Variants in TMPRSS5 observed in about 807,000 individuals in gnomAD.
TMPRSS5 encodes transmembrane serine protease 5, also known as transmembrane protease serine 5.
TMPRSS5 carries 45 observed loss-of-function variants against 59.7 expected under a neutral mutation model. The ratio of observed to expected loss-of-function variants is 0.75; its 90% CI spans 0.59 to 0.97. The LOEUF is 0.97. TMPRSS5 is among the 50% of genes least tolerant of loss of function. The probability of loss-of-function intolerance (pLI) is 0.00; values close to 1 mark genes in which losing one functional copy is unlikely to be tolerated. For synonymous variants in TMPRSS5, 225 were observed against 232.0 expected (o/e 0.97, Z 0.27); for missense variants, 585 against 596.7 (o/e 0.98, Z 0.20).
At chr11:113,705,304 CA>C (rs1953261661) in intron 1 of TMPRSS5, among the ~76,000 whole-genome samples, 1 of 152,200 alleles carries the variant, frequency 6.6e-6, no homozygotes, top group Non-Finnish European at 1.5e-5. Flanking sequence ...AAGACTTTGT[CA>C]GACTCACCTA....
Position 113,688,219 on chromosome 11 carries a change from G to T in TMPRSS5, c.*41C>A. On this transcript the variant is annotated 3_prime_UTR_variant, in exon 13 of 13. Transcript: ENST00000299882. The stretch of plus-strand genomic sequence containing the variant: ...AGCTGCTGGAGGCCCCAGGAAGCAT[G>T]AGGCAGTGGTGTGCAGTGAGACTGG... 1 of 1,564,524 alleles carries T rather than the reference G, an allele frequency of 6.4e-7. No individual in the cohort carries two copies. The highest frequency in any genetic ancestry group is 1.2e-5 in the South Asian group (1 of 83,100).
rs1952703950 is a variant in TMPRSS5, at chr11:113,689,644, G to C, written c.1359+121C>G. 3 of 1,030,108 alleles carry C rather than the reference G, an allele frequency of 2.9e-6. No individual in the cohort carries two copies. The Admixed American group carries it at 8.3e-5, about 29-fold the overall frequency. 63.8% of individuals were successfully genotyped at this position (1,030,108 alleles called of 1,614,324 possible). On this transcript the variant is annotated intron_variant, in intron 12 of 12. Transcript: ENST00000299882. ...CACTTCTTCCTCCACTCACTCTGGG[G>C]AATATGTCCTAGCACCCTCCCCAGT...
Position 113,699,608 on chromosome 11 carries a change from G to A in TMPRSS5, c.192C>T (p.Gly64=). The change falls in exon 3 of 13, where the codon GGC becomes GGT. Residue 64 remains glycine (G), a synonymous_variant. Coordinates refer to ENST00000299882, the MANE Select transcript of TMPRSS5 (RefSeq NM_030770.4). ...CCCAGCACTGACCTAGGAGCCATGA[G>A]CCAACACCTGCACCGGCCAGCAGCC... The part of the protein sequence containing the change: ...ALGLLAGAGV[G]SWLLVLYLCP... The A allele has an allele frequency of 1.3e-6, 2 of 1,577,358 alleles. No individual in the cohort carries two copies. The highest frequency in any genetic ancestry group is 1.2e-5 in the South Asian group (1 of 85,550).
rs898508247 is a variant in TMPRSS5 at position 113,690,219 on chromosome 11, C to T, written c.1206+12G>A. 1.3e-6 allele frequency: 2 copies of T among 1,546,804 alleles called. No homozygotes were observed. The highest frequency in any genetic ancestry group is 1.4e-5 in the African/African-American group (1 of 72,482). On this transcript the variant is annotated intron_variant, in intron 11 of 12. Coordinates refer to ENST00000299882, the MANE Select transcript of TMPRSS5 (RefSeq NM_030770.4). ...CCACTCCCACCCTCACCCCAGCCAC[C>T]ACAGGCCACACCTGGCATGCATCAG...
At chr11:113,695,971 T>C (rs568415643) in intron 6 of TMPRSS5, among the ~76,000 whole-genome samples, 1 of 152,222 alleles carries the variant, frequency 6.6e-6, no homozygotes, top group Admixed American at 6.5e-5. Context: ...CAAAACTCTC[T>C]TCTCTTTCTT....
chr11:113,706,013 C>A (rs533908235), intron 1 of TMPRSS5, among the ~76,000 whole-genome samples: 9 of 152,158 alleles, frequency 5.9e-5, no homozygotes, highest in Non-Finnish European at 1.3e-4. Flanking sequence ...CTTGATAGAT[C>A]TAAGAGGGAT....
rs1472847586 is a variant in TMPRSS5, at chr11:113,689,815, C to T, written c.1309G>A (p.Val437Ile). The T allele has an allele frequency of 4.4e-6, 7 of 1,606,218 alleles. No homozygotes were observed. The highest frequency in any genetic ancestry group is 5.9e-6 in the Non-Finnish European group (7 of 1,176,654). The change falls in exon 12 of 13, where the codon GTC (valine) becomes ATC (isoleucine). Residue 437 changes from valine to isoleucine, a missense_variant. Coordinates refer to ENST00000299882, the MANE Select transcript of TMPRSS5 (RefSeq NM_030770.4). ...RGCAEPNHPGVYAKVAEFLDW... is the reference protein window; with the variant it reads ...RGCAEPNHPGIYAKVAEFLDW... ...AGAAACTCAGCTACCTTGGCGTAGA[C>T]ACCTGGGTGATTGGGCTCTGCGCAG...
chr11:113,700,373 A>G (rs1005816645), intron 1 of TMPRSS5, among the ~76,000 whole-genome samples: 3 of 152,182 alleles, frequency 2.0e-5, no homozygotes, highest in Non-Finnish European at 4.4e-5. Context: ...CCTAACCCCA[A>G]TGACCTTACT....
rs983426094 is a variant in TMPRSS5 at position 113,699,023 on chromosome 11, C to T, written c.210G>A (p.Leu70=). 1 of 1,611,584 alleles carries T rather than the reference C, an allele frequency of 6.2e-7. No homozygotes were observed. The highest frequency in any genetic ancestry group is 1.7e-5 in the Admixed American group (1 of 59,766). The change falls in exon 4 of 13, where the codon CTG becomes CTA. Residue 70 remains leucine (L), a synonymous_variant. Coordinates refer to ENST00000299882, the MANE Select transcript of TMPRSS5 (RefSeq NM_030770.4). ...GCTGAGAGGCAGCAGGACACAGATA[C>T]AGCACTTTAGAGAAGAACAAAGAGA... is the stretch of plus-strand genomic sequence containing the variant. ...GAGVGSWLLV[L]YLCPAASQPI...
Position 113,706,299 on chromosome 11 carries a change from G to C in TMPRSS5, c.-75C>G. On this transcript the variant is annotated 5_prime_UTR_variant, in exon 1 of 13. The change creates a new upstream start codon in the 5' untranslated region. Coordinates refer to ENST00000299882, the MANE Select transcript of TMPRSS5 (RefSeq NM_030770.4). Reference sequence around the variant, plus strand: ...CCGCTCCTGTTCTCAGGCCAGCATTGATTAAAGCTAGCCCAGCAAGCTTGG... The same window carrying C: ...CCGCTCCTGTTCTCAGGCCAGCATTCATTAAAGCTAGCCCAGCAAGCTTGG... 6.4e-7 allele frequency: 1 copy of C among 1,555,056 alleles called. No individual in the cohort carries two copies. The highest frequency in any genetic ancestry group is 8.7e-7 in the Non-Finnish European group (1 of 1,143,288).
intron 6 of TMPRSS5, 93 bp from the exon 7 acceptor site, chr11:113,695,536 G>A: frequency 2.3e-6 from 3 of 1,301,560 alleles, no homozygotes; most frequent in Non-Finnish European, 3.3e-6. Context: ...GGCTGGTGGG[G>A]GTGGTGGACA....
chr11:113,699,536 C>CAGCACCTGCTT (rs1038266123), intron 3 of TMPRSS5, 59 bp downstream of exon 3: 13 of 1,410,058 alleles, frequency 9.2e-6, no homozygotes, highest in Non-Finnish European at 1.2e-5. Context: ...AACACCTGCT[C>CAGCACCTGCTT]AGCACCTGCT....
At chr11:113,695,574 C>A in intron 6 of TMPRSS5, 131 bp from the exon 7 acceptor site, 2 of 852,122 alleles carry the variant, frequency 2.3e-6, no homozygotes, top group South Asian at 3.0e-5. Flanking sequence ...GTAGCCACAG[C>A]CTGAAGAATA....
chr11:113,692,852 T>A lies in TMPRSS5; in HGVS notation c.964+219A>T, dbSNP rs11214708. ...GCCCACCTGCCCCCTAGCCATGAAA[T>A]GGGTCTGAACCTCTTTTCCCAAAAG... On this transcript the variant is annotated intron_variant, in intron 9 of 12. Coordinates refer to ENST00000299882, the MANE Select transcript of TMPRSS5 (RefSeq NM_030770.4). Among the ~76,000 whole-genome samples, 67,973 of 151,944 alleles carry A rather than the reference T, an allele frequency of 0.45. 15,937 individuals carry two copies. The highest frequency in any genetic ancestry group is 0.55 in the Middle Eastern group (161 of 294).
At chr11:113,703,154 C>G (rs1953190408) in intron 1 of TMPRSS5, among the ~76,000 whole-genome samples, 1 of 152,256 alleles carries the variant, frequency 6.6e-6, no homozygotes, top group Admixed American at 6.5e-5. Flanking sequence ...GGGCTGTGCC[C>G]TGCAAAGCCA....
Position 113,689,991 on chromosome 11 carries a change from T to A in TMPRSS5, c.1207-74A>T, listed in dbSNP as rs565821201. ...CCTGATGGAGAGCACCAGACCACTA[T>A]GGCAAGTGGAATCTCCTTACTGGGC... On this transcript the variant is annotated intron_variant, in intron 11 of 12. Transcript: ENST00000299882. 1.3e-5 allele frequency: 18 copies of A among 1,422,492 alleles called. No homozygotes were observed. The East Asian group carries it at 4.5e-4, about 36-fold the overall frequency. 88.1% of individuals were successfully genotyped at this position (1,422,492 alleles called of 1,614,324 possible).
chr11:113,700,236 G>T, intron 1 of TMPRSS5, 68 bp from the exon 2 acceptor site: 1 of 1,356,054 alleles, frequency 7.4e-7, no homozygotes, highest in Non-Finnish European at 9.9e-7. Context: ...TCACAGCCCA[G>T]TCCAAGTCCC....
At chr11:113,699,447 T>A (rs2134817535) in intron 3 of TMPRSS5, 148 bp downstream of exon 3, 2 of 678,488 alleles carry the variant, frequency 2.9e-6, no homozygotes, top group East Asian at 2.7e-5. Flanking sequence ...AGAGCCTAGA[T>A]CCCTCCTGCT....
rs912896850 is a variant in TMPRSS5 at position 113,699,243 on chromosome 11, C to G, written c.206-216G>C. On this transcript the variant is annotated intron_variant, in intron 3 of 12. Transcript: ENST00000299882. ...TCTCTCTCTCTCTCTCTCTCTCTCT[C>G]TCTCTCTCTCTCTCTCTCTCTCTCT... 5.0e-4 allele frequency among the ~76,000 whole-genome samples: 41 copies of G among 82,436 alleles called. 1 individual carries two copies. The highest frequency in any genetic ancestry group is 1.4e-3 in the African/African-American group (19 of 13,732). The allele number at this position is 82,436 out of a possible 152,430, so 54.1% of individuals were successfully genotyped here. A position where few individuals can be genotyped will look rare whatever the true frequency, so the allele number is the denominator to read the frequency against.
Sources: allele counts gnomAD v4.1 joint callset (sites outside exome capture counted in the v4.1 genomes callset), GRCh38; gene constraint gnomAD v4.1.1; transcripts MANE v1.5; gene names NCBI Gene and HGNC (gene_info 2026-07-23, HGNC 2026-07-21).